The following DZIP1L variants were observed in gnomAD, a reference collection of about 807,000 sequenced individuals.
The protein encoded by DZIP1L is DAZ interacting zinc finger protein 1 like.
In DZIP1L, 90 loss-of-function variants were observed where a neutral mutation model predicts 88.7. The ratio of observed to expected loss-of-function variants is 1.02; its 90% CI spans 0.86 to 1.21. The LOEUF (loss-of-function observed/expected upper bound fraction) is 1.21, where lower values mean the gene tolerates loss of function less well. Among genes scored for constraint, DZIP1L ranks in the 50% most tolerant of loss-of-function variants. The probability of loss-of-function intolerance (pLI) is 0.00; values close to 1 mark genes in which losing one functional copy is unlikely to be tolerated. For missense variants in DZIP1L, 932 were observed against 955.8 expected, an observed-to-expected ratio of 0.98 and a Z score of 0.33; for synonymous variants, 363 against 372.1, an observed-to-expected ratio of 0.98 and a Z score of 0.28.
At chr3:138,090,368 C>T (rs1405538670) in intron 5 of DZIP1L, among the ~76,000 whole-genome samples, 4 of 152,088 alleles carry the variant, frequency 2.6e-5, no homozygotes, top group Non-Finnish European at 5.9e-5. Flanking sequence ...ATTTATCAAA[C>T]GTCTAGTCAG....
intron 5 of DZIP1L, chr3:138,088,875 A>C (rs991169252): frequency 1.0e-6 from 1 of 988,946 alleles, no homozygotes; most frequent in African/African-American, 1.7e-5. Context: ...GGAGGGTCTC[A>C]CCCCAGGCCA....
At chr3:138,102,068 C>CTGGTACAT (rs2107840892) in intron 2 of DZIP1L, 1 of 1,480,634 alleles carries the variant, frequency 6.8e-7, no homozygotes, top group East Asian at 2.3e-5. Flanking sequence ...CATACTTGAT[C>CTGGTACAT]TGGTACATGC....
chr3:138,105,569 T>TA lies in DZIP1L; in HGVS notation c.-81-1518dup, dbSNP rs2042458105. On this transcript the variant is annotated intron_variant, in intron 1 of 15. Transcript: ENST00000327532. The stretch of plus-strand genomic sequence containing the variant: ...AATACCTAATACAATGTAAATGCTA[T>TA]AAAAATAGCTGTTATACTTAATTAT... Among the ~76,000 whole-genome samples the TA allele has an allele frequency of 2.0e-5, 3 of 152,056 alleles. No individual in the cohort carries two copies. The South Asian group carries it at 6.2e-4, about 32-fold the overall frequency.
At chr3:138,106,321 G>A (rs1321871876) in intron 1 of DZIP1L, among the ~76,000 whole-genome samples, 2 of 150,318 alleles carry the variant, frequency 1.3e-5, no homozygotes, top group Non-Finnish European at 3.0e-5. Flanking sequence ...TGTATTTTTA[G>A]TAGAGACAGG....
At chr3:138,069,878 G>C (rs1375322067) in intron 12 of DZIP1L, among the ~76,000 whole-genome samples, 2 of 152,120 alleles carry the variant, frequency 1.3e-5, no homozygotes, top group African/African-American at 4.8e-5. Flanking sequence ...AAGGTGCAGA[G>C]CTGGAAGGAA....
intron 11 of DZIP1L, among the ~76,000 whole-genome samples, chr3:138,073,770 A>G (rs1381499722): frequency 6.6e-6 from 1 of 152,190 alleles, no homozygotes; most frequent in East Asian, 1.9e-4. Flanking sequence ...CTAATCAAGG[A>G]GGGACCAAAG....
At chr3:138,064,835 T>C in intron 14 of DZIP1L, 68 bp from the exon 15 acceptor site, 1 of 1,526,074 alleles carries the variant, frequency 6.6e-7, no homozygotes, top group Non-Finnish European at 8.8e-7. Context: ...GTTTTGTGGC[T>C]CATGTCCAGG....
Position 138,077,515 on chromosome 3 carries a change from C to T in DZIP1L, c.1406G>A (p.Ser469Asn), listed in dbSNP as rs1281613123. 6.2e-7 allele frequency: 1 copy of T among 1,614,088 alleles called. No homozygotes were observed. The highest frequency in any genetic ancestry group is 1.3e-5 in the African/African-American group (1 of 74,940). The change falls in exon 11 of 16, where the codon AGC becomes AAC. Residue 469 changes from serine (S) to asparagine (N), a missense_variant. Physicochemically the swap from Ser to Asn is conservative, Grantham distance 46. Coordinates refer to ENST00000327532, the MANE Select transcript of DZIP1L (RefSeq NM_173543.3). ...GAAACTCACCTTCCTTATCCCCATG[C>T]TTTCGAGCTTCTCTTCCAGGGTGTC... is the stretch of plus-strand genomic sequence containing the variant. ...LEDTLEEKLE[S>N]MGIRKDAKGI...
At position 138,084,374 on chromosome 3, in the gene DZIP1L, T is replaced by C. The variant is rs1390664753; in HGVS notation, c.1063-121A>G. 5.3e-6 allele frequency: 7 copies of C among 1,324,296 alleles called. No homozygotes were observed. In the Admixed American group the frequency reaches 1.7e-4, roughly 33 times the overall value. 82.0% of individuals were successfully genotyped at this position (1,324,296 alleles called of 1,614,324 possible). A position where few individuals can be genotyped will look rare whatever the true frequency, so the allele number is the denominator to read the frequency against. On this transcript the variant is annotated intron_variant, in intron 7 of 15. Transcript: ENST00000327532. ...AAGCACAGTAAAGGATTTTGAGACC[T>C]GGACAGGCTTTCTAACAAGACAACC...
intron 1 of DZIP1L, among the ~76,000 whole-genome samples, chr3:138,110,927 A>G (rs912312797): frequency 2.0e-5 from 3 of 152,208 alleles, no homozygotes; most frequent in Non-Finnish European, 4.4e-5. Flanking sequence ...TCTGGCTCCA[A>G]AGTTTTTTTC....
intron 14 of DZIP1L, among the ~76,000 whole-genome samples, chr3:138,065,536 T>C (rs1942855666): frequency 6.6e-6 from 1 of 152,220 alleles, no homozygotes; most frequent in African/African-American, 2.4e-5. Flanking sequence ...GAGCCAAGAC[T>C]TTCTCTGAAG....
intron 2 of DZIP1L, among the ~76,000 whole-genome samples, chr3:138,100,663 A>AAT (rs1029413214): frequency 6.6e-6 from 1 of 152,166 alleles, no homozygotes; most frequent in Non-Finnish European, 1.5e-5. Context: ...GGCATTGGAG[A>AAT]ATTGGTTGGT....
chr3:138,090,385 C>T (rs890108422), intron 5 of DZIP1L, among the ~76,000 whole-genome samples: 1 of 152,154 alleles, frequency 6.6e-6, no homozygotes, highest in Non-Finnish European at 1.5e-5. Context: ...TCAGCTAGCA[C>T]TGCGTCGGGG....
chr3:138,103,852 G>A lies in DZIP1L; in HGVS notation c.120C>T (p.Thr40=), dbSNP rs1263389751. The part of the protein sequence containing the change: ...HDSMDWRRIS[T]LDVDRVAREL... ...CCCGGGCCACGCGGTCTACATCCAG[G>A]GTGCTAATGCGTCTCCAGTCCATGC... is the stretch of plus-strand genomic sequence containing the variant. The change falls in exon 2 of 16, where the codon ACC becomes ACT. Residue 40 remains threonine, a synonymous_variant. Coordinates refer to ENST00000327532, the MANE Select transcript of DZIP1L (RefSeq NM_173543.3). 6.2e-7 allele frequency: 1 copy of A among 1,614,016 alleles called. No homozygotes were observed. The highest frequency in any genetic ancestry group is 1.3e-5 in the African/African-American group (1 of 74,946).
At chr3:138,102,096 C>G (rs1009648967) in intron 2 of DZIP1L, 1 of 1,469,196 alleles carries the variant, frequency 6.8e-7, no homozygotes, top group Non-Finnish European at 9.5e-7. Flanking sequence ...CTCAGCCCAG[C>G]TGCAGTTGGC....
intron 13 of DZIP1L, 68 bp from the exon 14 acceptor site, chr3:138,067,768 A>G (rs1467435343): frequency 6.9e-7 from 1 of 1,458,678 alleles, no homozygotes; most frequent in Non-Finnish European, 9.0e-7. Context: ...GCCAAACTTC[A>G]CCACGCTTCA....
intron 10 of DZIP1L, 25 bp from the exon 11 acceptor site, chr3:138,077,657 A>T (rs1407011357): frequency 1.2e-6 from 2 of 1,612,782 alleles, no homozygotes; most frequent in South Asian, 1.1e-5. Flanking sequence ...ATTCACCCAG[A>T]TCAGCCTGGG....
At chr3:138,112,161 G>T (rs1291043602) in intron 1 of DZIP1L, among the ~76,000 whole-genome samples, 1 of 152,070 alleles carries the variant, frequency 6.6e-6, no homozygotes, top group Non-Finnish European at 1.5e-5. Flanking sequence ...CTTGTAGATG[G>T]CTATGGTTCG....
At chr3:138,099,955 T>C (rs533815510) in intron 2 of DZIP1L, among the ~76,000 whole-genome samples, 21 of 152,306 alleles carry the variant, frequency 1.4e-4, no homozygotes, top group South Asian at 4.1e-4. Context: ...GTTTTTTGTA[T>C]GCTAATGAAA....
Sources: allele counts gnomAD v4.1 joint callset (sites outside exome capture counted in the v4.1 genomes callset), GRCh38; gene constraint gnomAD v4.1.1; transcripts MANE v1.5; gene names NCBI Gene and HGNC (gene_info 2026-07-23, HGNC 2026-07-21).